SGIP1: variants seen among roughly 807,000 people sequenced by gnomAD.
SGIP1 encodes the protein SH3GL interacting endocytic adaptor 1.
SGIP1 carries 38 observed loss-of-function variants against 107.5 expected under a neutral mutation model. The ratio of observed to expected loss-of-function variants is 0.35; its 90% CI spans 0.27 to 0.46. The LOEUF (loss-of-function observed/expected upper bound fraction) is 0.46. SGIP1 is among the 20% of genes least tolerant of loss of function. The pLI is 1.00. For missense variants in SGIP1, 929 were observed against 1,019.5 expected (o/e 0.91, Z 1.21); for synonymous variants, 365 against 366.1 (o/e 1.00, Z 0.03).
At chr1:66,623,466 G>T (rs772388316) in intron 1 of SGIP1, among the ~76,000 whole-genome samples, 7 of 152,118 alleles carry the variant, frequency 4.6e-5, no homozygotes, top group Non-Finnish European at 8.8e-5. Flanking sequence ...GGCCAGGCTG[G>T]TCTCAAACTC....
chr1:66,566,415 T>G (rs10889629), intron 1 of SGIP1, among the ~76,000 whole-genome samples: 1 of 151,714 alleles, frequency 6.6e-6, no homozygotes, highest in Non-Finnish European at 1.5e-5. Flanking sequence ...CTTTTATTTT[T>G]TCCATCAAGA....
chr1:66,636,953 G>A (rs1201919904), intron 4 of SGIP1, among the ~76,000 whole-genome samples: 3 of 151,986 alleles, frequency 2.0e-5, no homozygotes, highest in South Asian at 2.1e-4. Flanking sequence ...CATGATTAGC[G>A]TCACTGTGAG....
chr1:66,679,404 G>T (rs891392357), intron 13 of SGIP1, among the ~76,000 whole-genome samples: 2 of 152,156 alleles, frequency 1.3e-5, no homozygotes, highest in African/African-American at 2.4e-5. Context: ...CTTGAGGTTT[G>T]TGTGTTGAAT....
intron 1 of SGIP1, among the ~76,000 whole-genome samples, chr1:66,611,841 G>T (rs1337981821): frequency 6.6e-6 from 1 of 152,158 alleles, no homozygotes; most frequent in Non-Finnish European, 1.5e-5. Flanking sequence ...CAAAAGAACT[G>T]GCTGGGGAGG....
intron 1 of SGIP1, among the ~76,000 whole-genome samples, chr1:66,623,229 C>A (rs538265533): frequency 1.3e-5 from 2 of 152,096 alleles, no homozygotes; most frequent in South Asian, 4.1e-4. Flanking sequence ...AACCTTTCCA[C>A]TTTTGAAGAA....
At chr1:66,730,161 G>A (rs1045624118) in intron 20 of SGIP1, among the ~76,000 whole-genome samples, 1 of 151,980 alleles carries the variant, frequency 6.6e-6, no homozygotes, top group Non-Finnish European at 1.5e-5. Context: ...GCATAATAAA[G>A]ACATCAAATT....
intron 1 of SGIP1, among the ~76,000 whole-genome samples, chr1:66,606,324 A>G (rs749357829): frequency 6.6e-6 from 1 of 152,220 alleles, no homozygotes; most frequent in Non-Finnish European, 1.5e-5. Flanking sequence ...AATAATTAGC[A>G]CACAGTAGGA....
intron 18 of SGIP1, among the ~76,000 whole-genome samples, chr1:66,715,470 T>C (rs1488822820): frequency 2.0e-5 from 3 of 151,838 alleles, no homozygotes; most frequent in Non-Finnish European, 2.9e-5. Context: ...TATGTTGTTG[T>C]TGGGGGGGCG....
chr1:66,636,323 TG>T (rs760340085), intron 4 of SGIP1, among the ~76,000 whole-genome samples: 9 of 152,236 alleles, frequency 5.9e-5, no homozygotes, highest in Non-Finnish European at 1.0e-4. Context: ...AAGAAGCCTT[TG>T]GCTATAATAG....
At chr1:66,590,029 C>G (rs41405244) in intron 1 of SGIP1, among the ~76,000 whole-genome samples, 28,589 of 152,082 alleles carry the variant, frequency 0.19, 3,176 homozygotes, top group African/African-American at 0.31. Context: ...CAGGATTAGA[C>G]TAAGACCTCA....
At chr1:66,589,212 A>ATG (rs1203908242) in intron 1 of SGIP1, among the ~76,000 whole-genome samples, 2 of 89,764 alleles carry the variant, frequency 2.2e-5, no homozygotes, top group African/African-American at 9.7e-5. Context: ...ATATATATAT[A>ATG]TATATGTAAG....
At chr1:66,652,497 A>T (rs772526751) in intron 7 of SGIP1, among the ~76,000 whole-genome samples, 1 of 152,132 alleles carries the variant, frequency 6.6e-6, no homozygotes, top group Non-Finnish European at 1.5e-5. Context: ...GTCATGAAGG[A>T]ACAATTAGTT....
chr1:66,577,410 G>A (rs559659168), intron 1 of SGIP1, among the ~76,000 whole-genome samples: 7 of 152,126 alleles, frequency 4.6e-5, no homozygotes, highest in African/African-American at 7.2e-5. Context: ...CGTGTGTCTC[G>A]GTTTGATAAG....
At chr1:66,741,770 TA>T (rs1448150784) in intron 24 of SGIP1, among the ~76,000 whole-genome samples, 28 of 145,750 alleles carry the variant, frequency 1.9e-4, no homozygotes, top group African/African-American at 6.2e-4. Context: ...TATTTTTATT[TA>T]TTTTTTTTTT....
intron 21 of SGIP1, among the ~76,000 whole-genome samples, chr1:66,737,330 A>G (rs965191424): frequency 1.4e-4 from 22 of 152,100 alleles, no homozygotes; most frequent in African/African-American, 5.1e-4. Flanking sequence ...TCATTTCCGT[A>G]TTTGTTATTA....
chr1:66,534,165 G>T lies in SGIP1; in HGVS notation c.-194G>T. ...CCTTTCTCTCAGCATCTTCTTGGTA[G>T]CCTGCCTGTAGGTGAAGAAGCACCA... On this transcript the variant is annotated 5_prime_UTR_variant, in exon 1 of 25. Transcript: ENST00000371037. The T allele has an allele frequency of 1.6e-6, 1 of 619,598 alleles. No homozygotes were observed. 38.4% of individuals were successfully genotyped at this position (619,598 alleles called of 1,614,324 possible). A position where few individuals can be genotyped will look rare whatever the true frequency, so the allele number is the denominator to read the frequency against.
At chr1:66,627,994 G>A (rs968967733) in intron 2 of SGIP1, among the ~76,000 whole-genome samples, 3 of 150,142 alleles carry the variant, frequency 2.0e-5, no homozygotes, top group East Asian at 2.0e-4. Context: ...GAGAACATGT[G>A]GTGTTTGATT....
At chr1:66,600,722 A>G (rs1046234436) in intron 1 of SGIP1, among the ~76,000 whole-genome samples, 2 of 152,320 alleles carry the variant, frequency 1.3e-5, no homozygotes, top group Admixed American at 1.3e-4. Flanking sequence ...AGATTAGGTC[A>G]TGATAATAAG....
intron 1 of SGIP1, among the ~76,000 whole-genome samples, chr1:66,589,093 T>G (rs1450190827): frequency 1.4e-5 from 2 of 148,116 alleles, no homozygotes; most frequent in African/African-American, 2.5e-5. Context: ...AGCATCTGAA[T>G]ATGTCATCAT....
Sources: allele counts gnomAD v4.1 joint callset (sites outside exome capture counted in the v4.1 genomes callset), GRCh38; gene constraint gnomAD v4.1.1; transcripts MANE v1.5; gene names NCBI Gene and HGNC (gene_info 2026-07-23, HGNC 2026-07-21).